The following SLC16A2 variants were observed in gnomAD, a reference collection of about 807,000 sequenced individuals.
SLC16A2 encodes monocarboxylate transporter 8.
A neutral mutation model predicts 27.2 loss-of-function variants in SLC16A2; 3 were observed. That is an observed-to-expected ratio of 0.11 (90% CI 0.05 to 0.28). The LOEUF (loss-of-function observed/expected upper bound fraction) is 0.28. Among genes scored for constraint, SLC16A2 ranks in the 10% least tolerant of loss-of-function variants. SLC16A2 has a pLI of 1.00. For missense variants in SLC16A2, 295 were observed against 458.5 expected, an observed-to-expected ratio of 0.64 and a Z score of 3.26; for synonymous variants, 202 against 187.8, an observed-to-expected ratio of 1.08 and a Z score of -0.62.
chrX:74,433,366 T>C (rs1602104847), intron 1 of SLC16A2, among the ~76,000 whole-genome samples: 1 of 101,951 alleles, frequency 9.8e-6, no homozygotes, highest in East Asian at 3.1e-4. Context: ...AGTGAGACTC[T>C]GTCTCAAAAA....
intron 1 of SLC16A2, among the ~76,000 whole-genome samples, chrX:74,483,761 GT>G (rs1929667243): frequency 9.0e-6 from 1 of 111,045 alleles, no homozygotes; most frequent in African/African-American, 3.3e-5. Flanking sequence ...TTCTCAACTT[GT>G]TTTTTTCTAG....
At chrX:74,442,943 G>A (rs1297259882) in intron 1 of SLC16A2, among the ~76,000 whole-genome samples, 1 of 111,740 alleles carries the variant, frequency 8.9e-6, no homozygotes, top group Non-Finnish European at 1.9e-5. Flanking sequence ...GGCAATAGAG[G>A]GAGACTTCGT....
chrX:74,463,720 G>A (rs771248676), intron 1 of SLC16A2, among the ~76,000 whole-genome samples: 2 of 111,367 alleles, frequency 1.8e-5, no homozygotes, highest in Non-Finnish European at 3.8e-5. Flanking sequence ...GTAGAGACAG[G>A]GTTTCACCGT....
At chrX:74,473,848 A>C in intron 1 of SLC16A2, 1 of 505,155 alleles carries the variant, frequency 2.0e-6, no homozygotes. Context: ...ATTGTTTAAA[A>C]TGACTCAACC....
chrX:74,470,033 G>A (rs924562683), intron 1 of SLC16A2, among the ~76,000 whole-genome samples: 6 of 111,539 alleles, frequency 5.4e-5, no homozygotes, highest in Admixed American at 1.9e-4. Flanking sequence ...CCATAGTTTT[G>A]CTTTTTCCAG....
chrX:74,479,522 G>T (rs1929567635), intron 1 of SLC16A2, among the ~76,000 whole-genome samples: 2 of 112,478 alleles, frequency 1.8e-5, no homozygotes, highest in Admixed American at 9.4e-5. Flanking sequence ...TTCCATTGCT[G>T]GTGAGGAGGT....
At chrX:74,514,262 C>CA (rs773831242) in intron 1 of SLC16A2, among the ~76,000 whole-genome samples, 1,375 of 67,050 alleles carry the variant, frequency 0.021, 26 homozygotes, top group African/African-American at 0.068. Flanking sequence ...GGAAGCAGAC[C>CA]AAAAAAAAAA....
chrX:74,474,054 C>G, intron 1 of SLC16A2: 1 of 151,260 alleles, frequency 6.6e-6, no homozygotes, highest in Non-Finnish European at 1.3e-5. Flanking sequence ...TATTCTAGTT[C>G]TCTTGCATTT....
intron 1 of SLC16A2, among the ~76,000 whole-genome samples, chrX:74,489,970 T>TACACACACACACACACACACACACAC: frequency 1.1e-5 from 1 of 87,146 alleles, no homozygotes; most frequent in South Asian, 6.8e-4. Flanking sequence ...GTCACACACA[T>TACACACACACACACACACACACACAC]ACACACACAC....
Position 74,533,716 on chromosome X carries a change from A to T in SLC16A2, c.*2163A>T, listed in dbSNP as rs185219467. On this transcript the variant is annotated 3_prime_UTR_variant, in exon 6 of 6. Coordinates refer to ENST00000587091, the MANE Select transcript of SLC16A2 (RefSeq NM_006517.5). The stretch of plus-strand genomic sequence containing the variant: ...GGATATCAATTTACTTCTTCCACAC[A>T]TGTGGTTGTGCACATGTGAGCTTGT... 8.9e-6 allele frequency: 1 copy of T among 112,813 alleles called. No individual in the cohort carries two copies. The highest frequency in any genetic ancestry group is 2.8e-4 in the East Asian group (1 of 3,557). 9.3% of individuals were successfully genotyped at this position (112,813 alleles called of 1,213,427 possible). A position where few individuals can be genotyped will look rare whatever the true frequency, so the allele number is the denominator to read the frequency against.
intron 1 of SLC16A2, among the ~76,000 whole-genome samples, chrX:74,508,597 C>G (rs752777317): frequency 3.6e-5 from 4 of 111,441 alleles, no homozygotes; most frequent in African/African-American, 1.3e-4. Context: ...TTTGTAGAGT[C>G]CTTTGATTTT....
intron 1 of SLC16A2, among the ~76,000 whole-genome samples, chrX:74,505,007 C>T (rs1930100494): frequency 9.0e-6 from 1 of 111,481 alleles, no homozygotes; most frequent in Non-Finnish European, 1.9e-5. Context: ...CAAACAAACA[C>T]ACAAAAAACA....
Position 74,531,392 on chromosome X carries a change from C to G in SLC16A2, c.1459C>G (p.Pro487Ala). 8.3e-7 allele frequency: 1 copy of G among 1,211,762 alleles called. No individual in the cohort carries two copies. The highest frequency in any genetic ancestry group is 1.1e-6 in the Non-Finnish European group (1 of 895,339). Residue 487 changes from proline (P) to alanine (A), a missense_variant, in exon 6 of 6, where the codon CCC becomes GCC. By Grantham distance (27) the Pro-to-Ala change is conservative. Transcript: ENST00000587091. ...GGCCTTCTACTTTGCCGGTGTGCCC[C>G]CCATCATCGGGGCTGTAATCCTCTT... Reference protein sequence around the residue: ...HVAFYFAGVPPIIGAVILFFV... With the variant: ...HVAFYFAGVPAIIGAVILFFV...
At chrX:74,439,153 C>T (rs1255918600) in intron 1 of SLC16A2, among the ~76,000 whole-genome samples, 1 of 78,781 alleles carries the variant, frequency 1.3e-5, no homozygotes, top group East Asian at 1.9e-3. Context: ...CTCTGGCTTG[C>T]TCAACTCTTT....
intron 1 of SLC16A2, among the ~76,000 whole-genome samples, chrX:74,489,128 G>A (rs993092461): frequency 9.0e-6 from 1 of 111,173 alleles, no homozygotes; most frequent in East Asian, 2.8e-4. Context: ...GTTACTTCCC[G>A]GTTAACCATT....
At chrX:74,531,187 C>T (rs1300888944) in intron 5 of SLC16A2, 146 bp from the exon 6 acceptor site, 5 of 518,568 alleles carry the variant, frequency 9.6e-6, no homozygotes, top group Non-Finnish European at 1.7e-5. Context: ...AGCCCCAATG[C>T]CTTGAAGTTG....
At chrX:74,465,235 C>T (rs1929229444) in intron 1 of SLC16A2, among the ~76,000 whole-genome samples, 1 of 111,625 alleles carries the variant, frequency 9.0e-6, no homozygotes, top group African/African-American at 3.3e-5. Flanking sequence ...TTTCATGAGG[C>T]TATATGGAAA....
At chrX:74,470,514 T>C in intron 1 of SLC16A2, among the ~76,000 whole-genome samples, 1 of 112,181 alleles carries the variant, frequency 8.9e-6, no homozygotes, top group East Asian at 2.8e-4. Flanking sequence ...TTTTGGTTAT[T>C]CTAATAGGTG....
At chrX:74,446,831 A>T (rs768928994) in intron 1 of SLC16A2, among the ~76,000 whole-genome samples, 1 of 112,151 alleles carries the variant, frequency 8.9e-6, no homozygotes, top group African/African-American at 3.2e-5. Context: ...AAGCTTACCT[A>T]CCTCTTATGC....
Sources: allele counts gnomAD v4.1 joint callset (sites outside exome capture counted in the v4.1 genomes callset), GRCh38; gene constraint gnomAD v4.1.1; transcripts MANE v1.5; gene names NCBI Gene and HGNC (gene_info 2026-07-23, HGNC 2026-07-21).